HERC1: variants seen among roughly 807,000 people sequenced by gnomAD.
The protein encoded by HERC1 is HECT and RLD domain containing E3 ubiquitin protein ligase family member 1.
In HERC1, 160 loss-of-function variants were observed where a neutral mutation model predicts 554.3. That is an observed-to-expected ratio of 0.29 (90% confidence interval 0.25 to 0.33). The LOEUF is 0.33. Among genes scored for constraint, HERC1 ranks in the 10% least tolerant of loss-of-function variants. HERC1 has a pLI of 1.00. For synonymous variants in HERC1, 2,175 were observed against 2,131.7 expected, an observed-to-expected ratio of 1.02 and a Z score of -0.56; for missense variants, 4,919 against 5,918.5, an observed-to-expected ratio of 0.83 and a Z score of 5.54.
At chr15:63,697,684 A>G (rs918936698) in intron 26 of HERC1, among the ~76,000 whole-genome samples, 1 of 152,080 alleles carries the variant, frequency 6.6e-6, no homozygotes, top group African/African-American at 2.4e-5. Context: ...CAAACTCCTG[A>G]TCTCAGGTGA....
intron 19 of HERC1, among the ~76,000 whole-genome samples, chr15:63,721,289 C>T (rs1208797923): frequency 8.5e-5 from 13 of 152,074 alleles, no homozygotes; most frequent in Admixed American, 3.9e-4. Context: ...TTTGGGAAGC[C>T]GAGGCGGATG....
At chr15:63,682,833 TA>T (rs149727749) in intron 34 of HERC1, among the ~76,000 whole-genome samples, 282 of 143,484 alleles carry the variant, frequency 2.0e-3, no homozygotes, top group Admixed American at 2.7e-3. Flanking sequence ...GATGTATGAT[TA>T]AAAAAAAAAA....
At chr15:63,706,030 CAAAAAA>C (rs35213471) in intron 25 of HERC1, among the ~76,000 whole-genome samples, 1 of 46,812 alleles carries the variant, frequency 2.1e-5, no homozygotes, top group Non-Finnish European at 3.8e-5. Flanking sequence ...ACCCTGTCTC[CAAAAAA>C]AAAAAAAAAA....
At chr15:63,639,863 C>T (rs2068956346) in intron 61 of HERC1, among the ~76,000 whole-genome samples, 2 of 152,086 alleles carry the variant, frequency 1.3e-5, no homozygotes, top group African/African-American at 2.4e-5. Context: ...ACAACTAAAG[C>T]ACTAACAAAG....
At chr15:63,761,431 A>T (rs2075607355) in intron 3 of HERC1, among the ~76,000 whole-genome samples, 3 of 152,026 alleles carry the variant, frequency 2.0e-5, no homozygotes, top group Non-Finnish European at 2.9e-5. Flanking sequence ...AAATAAAAAT[A>T]AAAAAATTAG....
intron 34 of HERC1, among the ~76,000 whole-genome samples, chr15:63,681,229 T>C (rs998852656): frequency 2.0e-5 from 3 of 152,170 alleles, no homozygotes; most frequent in African/African-American, 7.2e-5. Flanking sequence ...AGAGATGGGG[T>C]CTCACTCTGT....
In HERC1 at chr15:63,677,186, A is replaced by G. The variant is rs1181628372; in HGVS notation, c.7070+659T>C. On this transcript the variant is annotated intron_variant, in intron 37 of 77. Transcript: ENST00000443617. The surrounding 1 kb of genome is among the most constrained non-coding windows in gnomAD (Gnocchi z 4.4). ...TTCATTGGAGCACTTTGGATTTTGG[A>G]TTTTTGGATTTGGGATGCTCAACCT... Among the ~76,000 whole-genome samples, 3 of 152,120 alleles carry G rather than the reference A, an allele frequency of 2.0e-5. No homozygotes were observed. Among genetic ancestry groups the G allele is most frequent in the African/African-American group, 7.2e-5 (3 of 41,426 alleles).
At chr15:63,628,985 C>T (rs568310033) in intron 69 of HERC1, among the ~76,000 whole-genome samples, 170 bp from the exon 70 acceptor site, 33 of 147,776 alleles carry the variant, frequency 2.2e-4, no homozygotes, top group African/African-American at 8.1e-4. Context: ...GAGTCTTGCT[C>T]TGTTGTCCAG....
At chr15:63,697,847 C>T (rs962042481) in intron 26 of HERC1, among the ~76,000 whole-genome samples, 1 of 152,146 alleles carries the variant, frequency 6.6e-6, no homozygotes, top group Non-Finnish European at 1.5e-5. Context: ...TTGTTAGAAG[C>T]AAGCCACTAA....
At chr15:63,739,849 GATAA>G (rs1230758709) in intron 12 of HERC1, among the ~76,000 whole-genome samples, 1 of 151,854 alleles carries the variant, frequency 6.6e-6, no homozygotes, top group East Asian at 1.9e-4. Flanking sequence ...CAAACAAATA[GATAA>G]ATAAATAAAT....
At chr15:63,751,664 T>C (rs147674868) in intron 8 of HERC1, among the ~76,000 whole-genome samples, 42 of 152,302 alleles carry the variant, frequency 2.8e-4, no homozygotes, top group African/African-American at 9.9e-4. Flanking sequence ...CATTATTTCA[T>C]GCTCAAGTTT....
intron 25 of HERC1, 46 bp downstream of exon 25, chr15:63,706,728 TGAGACA>T: frequency 1.1e-6 from 1 of 879,512 alleles, no homozygotes; most frequent in Middle Eastern, 2.6e-4. Context: ...TTTTTTTTTT[TGAGACA>T]GGGTCTCACT....
At chr15:63,663,384 A>G (rs2070453554) in intron 43 of HERC1, among the ~76,000 whole-genome samples, 180 bp from the exon 44 acceptor site, 1 of 152,196 alleles carries the variant, frequency 6.6e-6, no homozygotes, top group Non-Finnish European at 1.5e-5. Flanking sequence ...AAAAGGGGAT[A>G]ATAATAGCAC....
intron 1 of HERC1, among the ~76,000 whole-genome samples, chr15:63,804,584 CA>C (rs934481150): frequency 3.4e-4 from 42 of 122,232 alleles, no homozygotes; most frequent in Middle Eastern, 3.9e-3. Flanking sequence ...AAAACTGTCT[CA>C]AAAAAAAAAA....
intron 74 of HERC1, among the ~76,000 whole-genome samples, chr15:63,619,437 G>A (rs552261692): frequency 6.6e-6 from 1 of 152,250 alleles, no homozygotes; most frequent in East Asian, 1.9e-4. Flanking sequence ...TGTTCATCAA[G>A]GATATTGGTC....
intron 42 of HERC1, among the ~76,000 whole-genome samples, 172 bp from the exon 43 acceptor site, chr15:63,664,766 A>C (rs143792996): frequency 6.6e-6 from 1 of 152,340 alleles, no homozygotes; most frequent in Non-Finnish European, 1.5e-5. Flanking sequence ...TGCATATAAC[A>C]TTTCCTGTGA....
intron 54 of HERC1, 55 bp from the exon 55 acceptor site, chr15:63,648,254 A>G (rs1352492740): frequency 1.3e-6 from 2 of 1,497,594 alleles, no homozygotes; most frequent in Non-Finnish European, 1.8e-6. Context: ...TCATTGTCTG[A>G]CTTAAAAGAC....
At chr15:63,641,971 A>C (rs2069086500) in intron 59 of HERC1, among the ~76,000 whole-genome samples, 2 of 152,180 alleles carry the variant, frequency 1.3e-5, no homozygotes, top group African/African-American at 4.8e-5. Flanking sequence ...GTCTGACATG[A>C]CTACAAGGAT....
chr15:63,665,909 G>C lies in HERC1; in HGVS notation c.8555+10C>G. The C allele has an allele frequency of 1.3e-6, 2 of 1,598,412 alleles. No individual in the cohort carries two copies. Among genetic ancestry groups the C allele is most frequent in the Non-Finnish European group, 1.7e-6 (2 of 1,167,246 alleles). Reference sequence around the variant, plus strand: ...CACATGGAACAAAAGTACAGAAACTGGAATTTCACCTTTCACTAAAACCTT... The same window carrying C: ...CACATGGAACAAAAGTACAGAAACTCGAATTTCACCTTTCACTAAAACCTT... On this transcript the variant is annotated intron_variant, in intron 42 of 77. Transcript: ENST00000443617.
Sources: allele counts gnomAD v4.1 joint callset (sites outside exome capture counted in the v4.1 genomes callset), GRCh38; gene constraint gnomAD v4.1.1; non-coding constraint Gnocchi (gnomAD v3.1); transcripts MANE v1.5; gene names NCBI Gene and HGNC (gene_info 2026-07-23, HGNC 2026-07-21).